Variants in LEKR1 observed in about 807,000 individuals in gnomAD.
LEKR1 encodes the protein protein LEKR1.
In LEKR1, 59 loss-of-function variants were observed where a neutral mutation model predicts 72.4. That is an observed-to-expected ratio of 0.82 (90% CI 0.66 to 1.01). The LOEUF is 1.01. Ranked by LOEUF, LEKR1 falls within the 50% of genes least tolerant of loss-of-function variation. The probability of loss-of-function intolerance (pLI) is 0.00; values close to 1 mark genes in which losing one functional copy is unlikely to be tolerated. For synonymous variants in LEKR1, 257 were observed against 263.2 expected, an observed-to-expected ratio of 0.98 and a Z score of 0.23; for missense variants, 728 against 759.2, an observed-to-expected ratio of 0.96 and a Z score of 0.48.
rs1735283819 is a variant in LEKR1 at position 157,040,705 on chromosome 3, C to G, written c.1669-4635C>G. ...CACCTTGGGATATATCCAGTTAAGG[C>G]TGGTGGAAACTGTAATCTGATCATT... is the stretch of plus-strand genomic sequence containing the variant. On this transcript the variant is annotated intron_variant, in intron 12 of 12. Coordinates refer to ENST00000356539, the MANE Select transcript of LEKR1 (RefSeq NM_001004316.3). Among the ~76,000 whole-genome samples, 3 of 152,222 alleles carry G rather than the reference C, an allele frequency of 2.0e-5. No individual in the cohort carries two copies. In the South Asian group the frequency reaches 6.2e-4, roughly 32 times the overall value.
chr3:157,028,456 CAACA>C (rs1014290646), intron 12 of LEKR1, 54 bp downstream of exon 12: 4 of 1,434,666 alleles, frequency 2.8e-6, no homozygotes, highest in African/African-American at 2.9e-5. Flanking sequence ...CATGTTCTTT[CAACA>C]AACAAACAAA....
intron 9 of LEKR1, among the ~76,000 whole-genome samples, chr3:157,005,337 C>T (rs1732338820): frequency 6.6e-6 from 1 of 152,064 alleles, no homozygotes; most frequent in Non-Finnish European, 1.5e-5. Flanking sequence ...AAGAAAACTT[C>T]CAGCCCAGAG....
At chr3:157,028,626 A>G (rs1480504325) in intron 12 of LEKR1, among the ~76,000 whole-genome samples, 1 of 152,216 alleles carries the variant, frequency 6.6e-6, no homozygotes, top group Non-Finnish European at 1.5e-5. Flanking sequence ...CCTGTGAACT[A>G]CATAATCTCT....
chr3:156,892,751 C>G (rs550970566), intron 3 of LEKR1, among the ~76,000 whole-genome samples: 1 of 152,290 alleles, frequency 6.6e-6, no homozygotes, highest in South Asian at 2.1e-4. Flanking sequence ...ACAGTACTTA[C>G]CCTTGGTGGT....
chr3:156,841,990 C>T (rs1295888136), intron 2 of LEKR1, among the ~76,000 whole-genome samples: 3 of 152,182 alleles, frequency 2.0e-5, no homozygotes, highest in Non-Finnish European at 2.9e-5. Context: ...ATTAGATTCT[C>T]ATAGGAGCAG....
chr3:156,900,282 AT>A (rs1473047994), intron 3 of LEKR1, among the ~76,000 whole-genome samples: 4 of 152,198 alleles, frequency 2.6e-5, no homozygotes, highest in African/African-American at 9.7e-5. Flanking sequence ...ATTTGTGCTT[AT>A]AAAAAACAAC....
chr3:156,944,054 T>C (rs1726467876), intron 6 of LEKR1, among the ~76,000 whole-genome samples: 1 of 151,668 alleles, frequency 6.6e-6, no homozygotes, highest in Non-Finnish European at 1.5e-5. Flanking sequence ...ATCTATTGAC[T>C]TTTTATGGTA....
At chr3:156,945,560 C>A (rs1726604372) in intron 6 of LEKR1, among the ~76,000 whole-genome samples, 1 of 151,688 alleles carries the variant, frequency 6.6e-6, no homozygotes, top group South Asian at 2.1e-4. Context: ...CTAATGTTTT[C>A]TTTTAGTAGT....
intron 3 of LEKR1, among the ~76,000 whole-genome samples, chr3:156,877,756 C>T (rs1263542371): frequency 6.6e-6 from 1 of 151,790 alleles, no homozygotes; most frequent in Admixed American, 6.6e-5. Flanking sequence ...TTTTTAAAAA[C>T]ATCTTTTTGT....
At position 157,036,076 on chromosome 3, in the gene LEKR1, G is replaced by T. The variant is rs562350170; in HGVS notation, c.1668+7674G>T. 3.9e-5 allele frequency among the ~76,000 whole-genome samples: 6 copies of T among 152,152 alleles called. No individual in the cohort carries two copies. In the South Asian group the frequency reaches 1.2e-3, roughly 32 times the overall value. On this transcript the variant is annotated intron_variant, in intron 12 of 12. Transcript: ENST00000356539. ...CACATTTTTAAACACGAACAGCCAA[G>T]GATCACCAATTATTTGAGAAACATC...
chr3:156,911,701 A>C (rs2108568694), intron 3 of LEKR1, among the ~76,000 whole-genome samples: 2 of 152,084 alleles, frequency 1.3e-5, no homozygotes, highest in South Asian at 4.1e-4. Context: ...GTAGGGGTCC[A>C]GTTTCTTTCT....
At chr3:157,038,223 G>A (rs1376314949) in intron 12 of LEKR1, among the ~76,000 whole-genome samples, 2 of 152,176 alleles carry the variant, frequency 1.3e-5, no homozygotes, top group African/African-American at 4.8e-5. Flanking sequence ...GGCAATAGAG[G>A]TTGCTGATTG....
In LEKR1 at chr3:156,826,366, T is replaced by C. The variant is rs1170801645; in HGVS notation, c.-55T>C. 2 of 152,826 alleles carry C rather than the reference T, an allele frequency of 1.3e-5. No individual in the cohort carries two copies. Among genetic ancestry groups the C allele is most frequent in the East Asian group, 3.9e-4 (2 of 5,174 alleles). The allele number at this position is 152,826 out of a possible 1,614,324, so 9.5% of individuals were successfully genotyped here. ...GAAAGCCGTTTCACACCCGTCCTAGTCGAAGTCGAGGTGAGGGACGATGGC... is the reference window on the plus strand; with the variant it reads ...GAAAGCCGTTTCACACCCGTCCTAGCCGAAGTCGAGGTGAGGGACGATGGC... On this transcript the variant is annotated 5_prime_UTR_variant, in exon 1 of 13. Coordinates refer to ENST00000356539, the MANE Select transcript of LEKR1 (RefSeq NM_001004316.3).
intron 1 of LEKR1, chr3:156,827,057 C>T (rs1163856155): frequency 6.5e-6 from 1 of 153,110 alleles, no homozygotes; most frequent in African/African-American, 2.4e-5. Flanking sequence ...GGTCCACATA[C>T]GTGCAATGAG....
intron 4 of LEKR1, among the ~76,000 whole-genome samples, chr3:156,922,609 T>C (rs1417679001): frequency 6.6e-6 from 1 of 152,196 alleles, no homozygotes; most frequent in Admixed American, 6.5e-5. Flanking sequence ...AAAGTATTCT[T>C]TCATGATCTG....
intron 9 of LEKR1, among the ~76,000 whole-genome samples, chr3:157,001,906 C>T (rs1209096238): frequency 6.6e-6 from 1 of 152,110 alleles, no homozygotes; most frequent in East Asian, 1.9e-4. Flanking sequence ...ATAGTCAGCT[C>T]TCAATATTTG....
chr3:156,931,256 G>T (rs1165726265), intron 5 of LEKR1, among the ~76,000 whole-genome samples: 1 of 152,036 alleles, frequency 6.6e-6, no homozygotes, highest in Non-Finnish European at 1.5e-5. Flanking sequence ...TTTTACACAG[G>T]AAGATACATA....
chr3:156,968,701 T>A (rs1181102640), intron 6 of LEKR1, among the ~76,000 whole-genome samples: 1 of 152,124 alleles, frequency 6.6e-6, no homozygotes, highest in Non-Finnish European at 1.5e-5. Flanking sequence ...CTGTCAACAT[T>A]AGACAGATCA....
chr3:156,896,538 T>C (rs1411345353), intron 3 of LEKR1, among the ~76,000 whole-genome samples: 1 of 152,148 alleles, frequency 6.6e-6, no homozygotes, highest in East Asian at 1.9e-4. Flanking sequence ...TGGTGATTAC[T>C]TAAGTCAAGA....
Sources: allele counts gnomAD v4.1 joint callset (sites outside exome capture counted in the v4.1 genomes callset), GRCh38; gene constraint gnomAD v4.1.1; transcripts MANE v1.5; gene names NCBI Gene and HGNC (gene_info 2026-07-23, HGNC 2026-07-21).